The following CENPI variants were observed in gnomAD, a reference collection of about 807,000 sequenced individuals.
The protein encoded by CENPI is centromere protein I.
CENPI carries 4 observed loss-of-function variants against 60.4 expected under a neutral mutation model. The observed-to-expected ratio is 0.07, with a 90% CI of 0.03 to 0.15. The LOEUF (loss-of-function observed/expected upper bound fraction) is 0.15. Among genes scored for constraint, CENPI ranks in the 10% least tolerant of loss-of-function variants. The pLI, the probability that CENPI is intolerant of heterozygous loss-of-function variation, is 1.00. For missense variants in CENPI, 444 were observed against 534.5 expected (o/e 0.83, Z 1.67); for synonymous variants, 157 against 189.4 (o/e 0.83, Z 1.40).
At position 101,147,825 on chromosome X, in the gene CENPI, A is replaced by C; in HGVS notation, c.1875+14A>C. 2 of 1,200,196 alleles carry C rather than the reference A, an allele frequency of 1.7e-6. No homozygotes were observed. The highest frequency in any genetic ancestry group is 2.3e-6 in the Non-Finnish European group (2 of 887,006). ...TTGGTACAAAAGGTATGAATGAGAA[A>C]GCTCTGTGTTAAATCACTGTTGTTT... On this transcript the variant is annotated intron_variant, in intron 19 of 21. Coordinates refer to ENST00000682095, the MANE Select transcript of CENPI (RefSeq NM_001386188.2).
Position 101,115,260 on chromosome X carries a change from G to A in CENPI, c.592-5142G>A, listed in dbSNP as rs755711493. ...ATTACAGGCTTGAGCCACCGAGCCC[G>A]GCCATTTATTTTTTTCATTATTTCT... On this transcript the variant is annotated intron_variant, in intron 6 of 21. Coordinates refer to ENST00000682095, the MANE Select transcript of CENPI (RefSeq NM_001386188.2). Among the ~76,000 whole-genome samples, 326 of 108,763 alleles carry A rather than the reference G, an allele frequency of 3.0e-3. 2 individuals are homozygous for A. The highest frequency in any genetic ancestry group is 0.011 in the African/African-American group (316 of 29,905). The allele number at this position is 108,763 out of a possible 115,157, so 94.4% of individuals were successfully genotyped here. A position where few individuals can be genotyped will look rare whatever the true frequency, so the allele number is the denominator to read the frequency against.
chrX:101,134,648 A>G (rs778416792), intron 15 of CENPI, among the ~76,000 whole-genome samples: 12 of 111,337 alleles, frequency 1.1e-4, no homozygotes, highest in Non-Finnish European at 1.9e-4. Context: ...AGTACAAGAA[A>G]GTTGTGATCA....
intron 15 of CENPI, among the ~76,000 whole-genome samples, chrX:101,139,871 G>C (rs2089896253): frequency 1.0e-5 from 1 of 99,137 alleles, no homozygotes; most frequent in African/African-American, 3.8e-5. Context: ...GTCTCACTCT[G>C]TCACCCAGGC....
chrX:101,146,135 TATC>T lies in CENPI; in HGVS notation c.1702-15_1702-13del. 1 of 1,191,270 alleles carries T rather than the reference TATC, an allele frequency of 8.4e-7. No homozygotes were observed. Among genetic ancestry groups the T allele is most frequent in the Non-Finnish European group, 1.1e-6 (1 of 881,712 alleles). On this transcript the variant is annotated splice_polypyrimidine_tract_variant and intron_variant, in intron 17 of 21. Coordinates refer to ENST00000682095, the MANE Select transcript of CENPI (RefSeq NM_001386188.2). ...TGGGGAATACTCTGTATACTGATGT[TATC>T]ATTCTTCCTCCAAGGTGTGTGACAT...
chrX:101,131,097 C>T (rs765923186), intron 13 of CENPI, among the ~76,000 whole-genome samples: 1 of 111,362 alleles, frequency 9.0e-6, no homozygotes, highest in African/African-American at 3.3e-5. Flanking sequence ...TCAATTGATC[C>T]TCCCTGCTCA....
At chrX:101,161,715 G>A (rs1312753910) in intron 21 of CENPI, 146 bp downstream of exon 21, 1 of 507,180 alleles carries the variant, frequency 2.0e-6, no homozygotes, top group Non-Finnish European at 3.4e-6. Context: ...ATTCATTCCA[G>A]TGACTTTAAT....
chrX:101,110,234 ATTTACT>A (rs920084619), intron 6 of CENPI, among the ~76,000 whole-genome samples: 1 of 112,298 alleles, frequency 8.9e-6, no homozygotes, highest in Non-Finnish European at 1.9e-5. Flanking sequence ...TTTTTATCGT[ATTTACT>A]TTATGTCTTC....
At position 101,154,560 on chromosome X, in the gene CENPI, G is replaced by A. The variant is rs769409085; in HGVS notation, c.2094+6399G>A. On this transcript the variant is annotated intron_variant, in intron 20 of 21. Transcript: ENST00000682095. ...CGTGCCACTTCACTCCAGCCTGGGCGAAAGAGCAAAACTCTGTCTAAAAAA... is the reference window on the plus strand; with the variant it reads ...CGTGCCACTTCACTCCAGCCTGGGCAAAAGAGCAAAACTCTGTCTAAAAAA... Among the ~76,000 whole-genome samples the A allele has an allele frequency of 1.4e-4, 15 of 110,818 alleles. No individual in the cohort carries two copies. In the East Asian group the frequency reaches 2.9e-3, roughly 21 times the overall value.
At chrX:101,100,444 C>T (rs1390742692) in intron 2 of CENPI, 1 of 111,986 alleles carries the variant, frequency 8.9e-6, no homozygotes, top group Non-Finnish European at 1.9e-5. Flanking sequence ...GAGACAGGGT[C>T]TCACTGTGTC....
At chrX:101,126,842 G>A (rs2089741372) in intron 9 of CENPI, 44 bp downstream of exon 9, 1 of 1,020,846 alleles carries the variant, frequency 9.8e-7, no homozygotes, top group Admixed American at 2.3e-5. Context: ...ATTGAAATAT[G>A]TTATTTTTGG....
chrX:101,111,710 C>T (rs768935259), intron 6 of CENPI, among the ~76,000 whole-genome samples: 3 of 111,498 alleles, frequency 2.7e-5, no homozygotes, highest in South Asian at 3.7e-4. Context: ...GATTGAGTTG[C>T]GAGCCAAACT....
the CENPI span, among the ~76,000 whole-genome samples, chrX:101,177,321 T>C: frequency 9.0e-6 from 1 of 111,338 alleles, no homozygotes; most frequent in African/African-American, 3.3e-5. Flanking sequence ...CATGTGCAGG[T>C]GAGTACCAGC....
At chrX:101,104,121 G>A (rs2089455969) in intron 4 of CENPI, among the ~76,000 whole-genome samples, 1 of 111,874 alleles carries the variant, frequency 8.9e-6, no homozygotes, top group South Asian at 3.6e-4. Context: ...TTATCGGCAT[G>A]TGCCACCACA....
In CENPI at chrX:101,107,835, A is replaced by ATT. The variant is rs35105469; in HGVS notation, c.365-1620_365-1619dup. ...AGGCGCCTACCACAACACTTGGCTA[A>ATT]TTTTTTTTTTTTTTTTTTTGAGACG... is the stretch of plus-strand genomic sequence containing the variant. On this transcript the variant is annotated intron_variant, in intron 4 of 21. Coordinates refer to ENST00000682095, the MANE Select transcript of CENPI (RefSeq NM_001386188.2). 5.2e-3 allele frequency among the ~76,000 whole-genome samples: 450 copies of ATT among 87,127 alleles called. 7 individuals are homozygous for ATT. Among genetic ancestry groups the ATT allele is most frequent in the African/African-American group, 0.015 (339 of 22,924 alleles). The allele number at this position is 87,127 out of a possible 115,157, so 75.7% of individuals were successfully genotyped here.
chrX:101,132,153 G>A (rs756983575), intron 13 of CENPI, 37 bp from the exon 14 acceptor site: 1 of 970,046 alleles, frequency 1.0e-6, no homozygotes, highest in South Asian at 2.0e-5. Flanking sequence ...TGACTGAAGA[G>A]TTCCATATAA....
Position 101,148,125 on chromosome X carries a change from T to C in CENPI, c.2058T>C (p.Pro686=), listed in dbSNP as rs1188081714. Residue 686 remains proline (P), a synonymous_variant, in exon 20 of 22, where the codon CCT becomes CCC. Transcript: ENST00000682095. Reference sequence around the variant, plus strand: ...ACAGTTTAAATGTAGTCCATCATCCTTCTTTCTTGAGTTACGCTGTTTCCT... The same window carrying C: ...ACAGTTTAAATGTAGTCCATCATCCCTCTTTCTTGAGTTACGCTGTTTCCT... ...YKNSLNVVHH[P]SFLSYAVSFL... is the part of the protein sequence containing the mutation. 1 of 1,189,350 alleles carries C rather than the reference T, an allele frequency of 8.4e-7. No homozygotes were observed. The highest frequency in any genetic ancestry group is 1.8e-5 in the African/African-American group (1 of 55,861).
At chrX:101,153,282 T>A (rs1000309564) in intron 20 of CENPI, among the ~76,000 whole-genome samples, 25 of 103,317 alleles carry the variant, frequency 2.4e-4, no homozygotes, top group African/African-American at 8.9e-4. Context: ...TTTTAAAAAG[T>A]TTTTATATTT....
At chrX:101,118,673 C>CT (rs2089646813) in intron 6 of CENPI, among the ~76,000 whole-genome samples, 1 of 111,753 alleles carries the variant, frequency 8.9e-6, no homozygotes, top group Non-Finnish European at 1.9e-5. Flanking sequence ...TGAGTTTTTC[C>CT]TTTCTAGATG....
chrX:101,117,511 T>C (rs1258063921), intron 6 of CENPI, among the ~76,000 whole-genome samples: 1 of 112,395 alleles, frequency 8.9e-6, no homozygotes, highest in Non-Finnish European at 1.9e-5. Flanking sequence ...CAGACGTTTT[T>C]TGAGCTGGCT....
Sources: allele counts gnomAD v4.1 joint callset (sites outside exome capture counted in the v4.1 genomes callset), GRCh38; gene constraint gnomAD v4.1.1; transcripts MANE v1.5; gene names NCBI Gene and HGNC (gene_info 2026-07-23, HGNC 2026-07-21).